MGAM2: variants seen among roughly 807,000 people sequenced by gnomAD.
The protein encoded by MGAM2 is probable maltase-glucoamylase 2.
MGAM2 carries 98 observed loss-of-function variants against 96.1 expected under a neutral mutation model. The observed-to-expected ratio is 1.02, with a 90% CI of 0.87 to 1.21. The LOEUF (loss-of-function observed/expected upper bound fraction) is 1.21. MGAM2 is among the 50% of genes most tolerant of loss of function. The probability of loss-of-function intolerance (pLI) is 0.00; values close to 1 mark genes in which losing one functional copy is unlikely to be tolerated. For synonymous variants in MGAM2, 749 were observed against 414.8 expected, an observed-to-expected ratio of 1.81 and a Z score of -9.79; for missense variants, 2,055 against 1,182.4, an observed-to-expected ratio of 1.74 and a Z score of -10.82.
intron 35 of MGAM2, among the ~76,000 whole-genome samples, chr7:142,187,225 T>C (rs189567893): frequency 2.5e-4 from 38 of 152,376 alleles, no homozygotes; most frequent in African/African-American, 9.1e-4. Flanking sequence ...AATATATTTA[T>C]AGCAGAAAGT....
chr7:142,118,538 A>G (rs73158426), intron 2 of MGAM2, among the ~76,000 whole-genome samples: 15,667 of 152,164 alleles, frequency 0.1, 1,619 homozygotes, highest in African/African-American at 0.27. Flanking sequence ...TAGATGGTTC[A>G]TGGAGTCCAT....
intron 3 of MGAM2, among the ~76,000 whole-genome samples, chr7:142,122,687 G>A (rs1281491949): frequency 6.6e-6 from 1 of 152,158 alleles, no homozygotes; most frequent in Non-Finnish European, 1.5e-5. Flanking sequence ...GCAAATATTA[G>A]ATAATTCTTT....
intron 1 of MGAM2, among the ~76,000 whole-genome samples, chr7:142,114,344 T>A (rs1471024199): frequency 1.3e-5 from 2 of 151,908 alleles, no homozygotes; most frequent in African/African-American, 2.4e-5. Context: ...AGTGGTTAAG[T>A]GATTAAGACA....
At chr7:142,211,127 A>G (rs2961062) in intron 46 of MGAM2, among the ~76,000 whole-genome samples, 97,229 of 152,070 alleles carry the variant, frequency 0.64, 31,240 homozygotes, top group Admixed American at 0.69. Flanking sequence ...ACTAACAAAC[A>G]GAAAGCAATA....
In MGAM2 at chr7:142,160,379, C is replaced by A. The variant is rs1021421282; in HGVS notation, c.2345+121C>A. On this transcript the variant is annotated intron_variant, in intron 21 of 47. Coordinates refer to ENST00000477922, the MANE Select transcript of MGAM2 (RefSeq NM_001293626.2). ...AAGGGATAAGTCACCCATCAGTAAT[C>A]TTCCCCCACTCCTTTCAAAATTGAT... The A allele has an allele frequency of 5.1e-5, 29 of 570,470 alleles. No individual in the cohort carries two copies. In the South Asian group the frequency reaches 5.7e-4, roughly 11 times the overall value. The allele number at this position is 570,470 out of a possible 1,614,324, so 35.3% of individuals were successfully genotyped here. A position where few individuals can be genotyped will look rare whatever the true frequency, so the allele number is the denominator to read the frequency against.
rs1362537831 is a variant in MGAM2, at chr7:142,201,080, TTC to T, written c.5137+1114_5137+1115del. 2.0e-4 allele frequency among the ~76,000 whole-genome samples: 25 copies of T among 123,176 alleles called. 2 individuals carry two copies. Among genetic ancestry groups the T allele is most frequent in the African/African-American group, 4.4e-4 (13 of 29,392 alleles). 80.8% of individuals were successfully genotyped at this position (123,176 alleles called of 152,430 possible). On this transcript the variant is annotated intron_variant, in intron 45 of 47. Transcript: ENST00000477922. Reference sequence around the variant, plus strand: ...AAATAACATCCTTTTTCTTTTTTTTTTCTTTTTTTTTTTTTTTTGAGTCTCAC... The same window carrying T: ...AAATAACATCCTTTTTCTTTTTTTTTTTTTTTTTTTTTTTTTGAGTCTCAC...
At chr7:142,143,503 A>G (rs535938707) in intron 12 of MGAM2, among the ~76,000 whole-genome samples, 18 of 152,352 alleles carry the variant, frequency 1.2e-4, no homozygotes, top group African/African-American at 3.8e-4. Flanking sequence ...CTGGCCTGAC[A>G]TAATGCAGTT....
intron 45 of MGAM2, among the ~76,000 whole-genome samples, chr7:142,205,684 G>C (rs1377124484): frequency 1.3e-5 from 2 of 152,070 alleles, no homozygotes; most frequent in East Asian, 3.8e-4. Context: ...ATCATAAACA[G>C]TCTTTATAGA....
At chr7:142,142,323 T>A (rs1022557520) in intron 12 of MGAM2, among the ~76,000 whole-genome samples, 8 of 152,164 alleles carry the variant, frequency 5.3e-5, no homozygotes, top group Non-Finnish European at 1.5e-5. Context: ...CAAATAAAAA[T>A]TATTTTGCTC....
intron 43 of MGAM2, 107 bp from the exon 44 acceptor site, chr7:142,198,508 C>T: frequency 1.6e-6 from 1 of 606,812 alleles, no homozygotes; most frequent in Non-Finnish European, 3.0e-6. Flanking sequence ...CAGTCTTTTG[C>T]TGACTTTCTA....
chr7:142,179,905 G>A (rs1222438640), intron 32 of MGAM2, among the ~76,000 whole-genome samples: 1 of 151,984 alleles, frequency 6.6e-6, no homozygotes. Flanking sequence ...CCCTCCTCAA[G>A]TCTTTTGGAA....
At chr7:142,208,342 A>T (rs1053486068) in intron 45 of MGAM2, 3 of 637,918 alleles carry the variant, frequency 4.7e-6, no homozygotes, top group Non-Finnish European at 8.7e-6. Flanking sequence ...ATTCTCTTGC[A>T]TTTGTAACCT....
intron 6 of MGAM2, among the ~76,000 whole-genome samples, chr7:142,132,864 T>C (rs9767883): frequency 0.02 from 2,541 of 129,108 alleles, 97 homozygotes; most frequent in African/African-American, 0.072. Context: ...ATATTATATA[T>C]TAAATTAAAT....
intron 1 of MGAM2, among the ~76,000 whole-genome samples, chr7:142,114,220 A>AAGAAAGAG (rs1817305634): frequency 7.6e-6 from 1 of 131,736 alleles, no homozygotes; most frequent in Admixed American, 7.6e-5. Flanking sequence ...GAAAGAGAGA[A>AAGAAAGAG]AGAAAGAAAG....
At chr7:142,159,629 C>A (rs139333068) in intron 20 of MGAM2, among the ~76,000 whole-genome samples, 6 of 152,274 alleles carry the variant, frequency 3.9e-5, no homozygotes, top group African/African-American at 7.2e-5. Context: ...AAGGCCCTCT[C>A]TGCTTCACTG....
At chr7:142,134,592 G>A (rs761645323) in intron 7 of MGAM2, among the ~76,000 whole-genome samples, 4 of 152,014 alleles carry the variant, frequency 2.6e-5, no homozygotes, top group Non-Finnish European at 4.4e-5. Context: ...TTTCAGAAAC[G>A]TCAGCGTTGG....
intron 23 of MGAM2, among the ~76,000 whole-genome samples, chr7:142,163,244 C>T (rs1286038005): frequency 1.3e-5 from 2 of 152,138 alleles, no homozygotes; most frequent in Non-Finnish European, 2.9e-5. Flanking sequence ...GCTACTAACA[C>T]TCATGTATAG....
chr7:142,184,034 A>G (rs1171504471), intron 33 of MGAM2, among the ~76,000 whole-genome samples: 1 of 116,606 alleles, frequency 8.6e-6, no homozygotes, highest in Non-Finnish European at 1.6e-5. Flanking sequence ...GTGCAGTGGT[A>G]TGATCTTGGC....
At chr7:142,129,824 T>TAAAAAA (rs1794832348) in intron 3 of MGAM2, among the ~76,000 whole-genome samples, 1 of 3,694 alleles carries the variant, frequency 2.7e-4, no homozygotes, top group African/African-American at 1.1e-3. Flanking sequence ...AAACTCTGTC[T>TAAAAAA]CAAAAAAAAA....
Sources: gnomAD v4.1 joint callset for allele counts (sites outside exome capture counted in the v4.1 genomes callset) on GRCh38, gnomAD v4.1.1 for gene constraint, MANE v1.5 for transcripts, NCBI Gene and HGNC (gene_info 2026-07-23, HGNC 2026-07-21) for gene names.